The following MNAT1 variants were observed in gnomAD, a reference collection of about 807,000 sequenced individuals.
MNAT1 encodes the protein MNAT1 component of CDK activating kinase.
MNAT1 carries 43 observed loss-of-function variants against 42.0 expected under a neutral mutation model. The ratio of observed to expected loss-of-function variants is 1.02; its 90% CI spans 0.80 to 1.32. MNAT1 has a LOEUF of 1.32. Among genes scored for constraint, MNAT1 ranks in the 40% most tolerant of loss-of-function variants. MNAT1 has a pLI of 0.00. For missense variants in MNAT1, 306 were observed against 350.4 expected, an observed-to-expected ratio of 0.87 and a Z score of 1.01; for synonymous variants, 118 against 120.0, an observed-to-expected ratio of 0.98 and a Z score of 0.11.
At chr14:60,825,449 A>G (rs903784632) in intron 6 of MNAT1, among the ~76,000 whole-genome samples, 1 of 152,194 alleles carries the variant, frequency 6.6e-6, no homozygotes, top group African/African-American at 2.4e-5. Context: ...ACATTAAGCA[A>G]CTATATCCCA....
At chr14:60,830,786 C>A (rs2033190463) in intron 6 of MNAT1, among the ~76,000 whole-genome samples, 1 of 148,382 alleles carries the variant, frequency 6.7e-6, no homozygotes, top group East Asian at 1.9e-4. Context: ...TGGTCCTCAC[C>A]ACTTCTTCTG....
intron 7 of MNAT1, among the ~76,000 whole-genome samples, chr14:60,933,535 G>A (rs985351754): frequency 6.6e-6 from 1 of 152,060 alleles, no homozygotes; most frequent in Non-Finnish European, 1.5e-5. Flanking sequence ...AAGGAAAAAT[G>A]TAAAGAAAAT....
At chr14:60,738,569 G>C (rs1430974412) in intron 1 of MNAT1, among the ~76,000 whole-genome samples, 3 of 151,370 alleles carry the variant, frequency 2.0e-5, no homozygotes, top group Non-Finnish European at 2.9e-5. Flanking sequence ...ATGGAGTTTT[G>C]CTCTTGTTGC....
chr14:60,817,232 TTTA>T (rs1299198917), intron 5 of MNAT1, among the ~76,000 whole-genome samples: 1 of 151,802 alleles, frequency 6.6e-6, no homozygotes, highest in African/African-American at 2.4e-5. Flanking sequence ...AATTTTATAT[TTTA>T]TTATAAAATT....
chr14:60,768,935 T>G (rs1049796405), intron 1 of MNAT1, among the ~76,000 whole-genome samples: 64 of 152,236 alleles, frequency 4.2e-4, no homozygotes, highest in African/African-American at 1.5e-3. Flanking sequence ...ACCCTACTCC[T>G]AAGATTATAA....
intron 6 of MNAT1, among the ~76,000 whole-genome samples, chr14:60,869,320 C>T (rs953540481): frequency 6.6e-6 from 1 of 151,674 alleles, no homozygotes; most frequent in African/African-American, 2.4e-5. Flanking sequence ...GGATTACAGG[C>T]GTGAGCCACT....
At chr14:60,911,170 A>T (rs1334318876) in intron 7 of MNAT1, among the ~76,000 whole-genome samples, 1 of 152,018 alleles carries the variant, frequency 6.6e-6, no homozygotes, top group Admixed American at 6.6e-5. Context: ...CGGTGGTGAT[A>T]TCCCCTTTGT....
At chr14:60,777,906 G>A (rs1358014018) in intron 1 of MNAT1, among the ~76,000 whole-genome samples, 1 of 152,126 alleles carries the variant, frequency 6.6e-6, no homozygotes, top group Non-Finnish European at 1.5e-5. Context: ...TAGCTAGATG[G>A]TTATGCTTAG....
At chr14:60,875,781 G>A (rs1174014122) in intron 6 of MNAT1, among the ~76,000 whole-genome samples, 1 of 152,014 alleles carries the variant, frequency 6.6e-6, no homozygotes, top group Non-Finnish European at 1.5e-5. Context: ...GTAATGATTA[G>A]TTTTAGTATG....
intron 6 of MNAT1, among the ~76,000 whole-genome samples, chr14:60,872,688 C>A (rs1219253700): frequency 6.7e-6 from 1 of 149,596 alleles, no homozygotes; most frequent in Non-Finnish European, 1.5e-5. Context: ...TTTTTCAAAA[C>A]TAACAAATAT....
chr14:60,930,957 A>T (rs191928135), intron 7 of MNAT1, among the ~76,000 whole-genome samples: 2 of 152,306 alleles, frequency 1.3e-5, no homozygotes, highest in Admixed American at 1.3e-4. Flanking sequence ...ATAGGTAGCT[A>T]TGGAAGACGT....
chr14:60,945,871 C>G (rs2036263182), intron 7 of MNAT1, among the ~76,000 whole-genome samples: 1 of 152,040 alleles, frequency 6.6e-6, no homozygotes, highest in Non-Finnish European at 1.5e-5. Context: ...CCTAAATCTC[C>G]CACTCCACTT....
intron 1 of MNAT1, among the ~76,000 whole-genome samples, chr14:60,792,695 A>G (rs2031866851): frequency 6.6e-6 from 1 of 152,188 alleles, no homozygotes; most frequent in Non-Finnish European, 1.5e-5. Context: ...TTGCTCTTTA[A>G]AAAGTAAAGT....
intron 6 of MNAT1, among the ~76,000 whole-genome samples, chr14:60,827,779 AAT>A (rs2033095844): frequency 6.6e-6 from 1 of 152,216 alleles, no homozygotes; most frequent in South Asian, 2.1e-4. Flanking sequence ...TCAAATTAAT[AAT>A]AGTCTTATCA....
Position 60,932,160 on chromosome 14 carries a change from T to C in MNAT1, c.810-36069T>C, listed in dbSNP as rs538123434. 7.2e-5 allele frequency among the ~76,000 whole-genome samples: 11 copies of C among 152,174 alleles called. No individual in the cohort carries two copies. In the South Asian group the frequency reaches 2.3e-3, roughly 32 times the overall value. ...ATTAGGTTACATTAGAGTTCTGTTATCTTTTTTCTTATGTAAGTTTAGTCT... is the reference window on the plus strand; with the variant it reads ...ATTAGGTTACATTAGAGTTCTGTTACCTTTTTTCTTATGTAAGTTTAGTCT... On this transcript the variant is annotated intron_variant, in intron 7 of 7. Transcript: ENST00000261245.
intron 7 of MNAT1, among the ~76,000 whole-genome samples, chr14:60,929,166 A>ATATATATATATATAT (rs1355535249): frequency 1.9e-5 from 2 of 106,666 alleles, no homozygotes; most frequent in African/African-American, 8.8e-5. Flanking sequence ...AAAAAAAAAA[A>ATATATATATATATAT]AAAAATATAT....
chr14:60,855,521 C>T (rs377675728), intron 6 of MNAT1, among the ~76,000 whole-genome samples: 5 of 152,248 alleles, frequency 3.3e-5, no homozygotes, highest in African/African-American at 1.2e-4. Flanking sequence ...GGCTGGATAG[C>T]ACAGTCTCTC....
intron 7 of MNAT1, among the ~76,000 whole-genome samples, chr14:60,893,928 G>T (rs903212424): frequency 6.6e-6 from 1 of 152,120 alleles, no homozygotes; most frequent in Non-Finnish European, 1.5e-5. Flanking sequence ...CTGAGGATCA[G>T]GATGGTGCTT....
intron 7 of MNAT1, among the ~76,000 whole-genome samples, chr14:60,930,275 T>C (rs930376483): frequency 2.0e-5 from 3 of 149,788 alleles, no homozygotes; most frequent in African/African-American, 7.3e-5. Flanking sequence ...CTAGATAAGC[T>C]TTTCTAAGTC....
Sources: allele counts gnomAD v4.1 joint callset (sites outside exome capture counted in the v4.1 genomes callset), GRCh38; gene constraint gnomAD v4.1.1; transcripts MANE v1.5; gene names NCBI Gene and HGNC (gene_info 2026-07-23, HGNC 2026-07-21).